RP1: variants seen among roughly 807,000 people sequenced by gnomAD.
The protein encoded by RP1 is oxygen-regulated protein 1.
RP1 carries 16 observed loss-of-function variants against 14.8 expected under a neutral mutation model. The observed-to-expected ratio is 1.08, with a 90% CI of 0.73 to 1.65. RP1 has a LOEUF of 1.65. RP1 is among the 40% of genes most tolerant of loss of function. The pLI is 0.00. For synonymous variants in RP1, 876 were observed against 883.6 expected (o/e 0.99, Z 0.15); for missense variants, 2,631 against 2,535.0 (o/e 1.04, Z -0.81).
intron 27 of RP1, among the ~76,000 whole-genome samples, chr8:54,858,452 TTGCCACTGTAGAGCAC>T (rs1389768614): frequency 3.3e-5 from 5 of 151,136 alleles, no homozygotes; most frequent in Non-Finnish European, 5.9e-5. Context: ...CTGTGGAACA[TTGCCACTGTAGAGCAC>T]TGTCACTGTA....
intron 22 of RP1, among the ~76,000 whole-genome samples, chr8:54,761,479 C>T (rs1012636115): frequency 9.9e-5 from 15 of 152,074 alleles, no homozygotes; most frequent in Admixed American, 6.5e-4. Context: ...TCAGGCAATC[C>T]GCTCGCCTTA....
At chr8:54,672,767 G>T (rs1275033321) in intron 7 of RP1, among the ~76,000 whole-genome samples, 4 of 151,930 alleles carry the variant, frequency 2.6e-5, no homozygotes, top group African/African-American at 9.7e-5. Context: ...GTAAATTATA[G>T]ACATTTTATC....
In RP1 at chr8:54,626,938, CCCT is replaced by C. The variant is rs1563331228; in HGVS notation, c.3057_3059del (p.Leu1020del). 1 of 1,613,844 alleles carries C rather than the reference CCCT, an allele frequency of 6.2e-7. No individual in the cohort carries two copies. The highest frequency in any genetic ancestry group is 1.1e-5 in the South Asian group (1 of 91,066). ...TCTCTGAATGATGCTTATTTGGTTC[CCCT>C]GCATGAACACTGTACTTTGTCACAG... On this transcript the variant is annotated inframe_deletion, in exon 4 of 4. Coordinates refer to ENST00000220676, the MANE Select transcript of RP1 (RefSeq NM_006269.2).
chr8:54,605,196 A>G (rs563667112), intron 1 of RP1, among the ~76,000 whole-genome samples: 66 of 152,300 alleles, frequency 4.3e-4, no homozygotes, highest in African/African-American at 8.4e-4. Flanking sequence ...ATTTCCCTCT[A>G]CACACTGCTT....
chr8:54,608,064 C>G (rs376224225), intron 1 of RP1, among the ~76,000 whole-genome samples: 34 of 152,194 alleles, frequency 2.2e-4, no homozygotes, highest in African/African-American at 7.7e-4. Flanking sequence ...CACCCACTGT[C>G]TGACACTCCC....
intron 24 of RP1, among the ~76,000 whole-genome samples, chr8:54,799,224 G>A (rs1810644311): frequency 6.6e-6 from 1 of 151,690 alleles, no homozygotes; most frequent in South Asian, 2.1e-4. Context: ...CTATAAATTT[G>A]GTAATAATTT....
chr8:54,732,001 C>T (rs1808806719), intron 17 of RP1, among the ~76,000 whole-genome samples: 1 of 152,194 alleles, frequency 6.6e-6, no homozygotes, highest in Non-Finnish European at 1.5e-5. Flanking sequence ...CTCTCTGTTG[C>T]TTGCAAAAGG....
chr8:54,706,710 A>G, intron 15 of RP1: 1 of 1,509,832 alleles, frequency 6.6e-7, no homozygotes, highest in South Asian at 1.2e-5. Flanking sequence ...TGCCAGTTGT[A>G]GACATGAGAA....
At chr8:54,606,154 T>C (rs865792869) in intron 1 of RP1, among the ~76,000 whole-genome samples, 14 of 152,332 alleles carry the variant, frequency 9.2e-5, no homozygotes, top group African/African-American at 3.4e-4. Flanking sequence ...TCCTTACAAT[T>C]TGGCATGTTT....
chr8:54,706,501 G>A, exon 15 of RP1: 1 of 1,535,868 alleles, frequency 6.5e-7, no homozygotes, highest in Non-Finnish European at 8.7e-7. Flanking sequence ...CAGGCCCTGT[G>A]TCTCCAGCCT....
At chr8:54,641,711 T>A (rs1246756983) in intron 3 of RP1, among the ~76,000 whole-genome samples, 2 of 152,218 alleles carry the variant, frequency 1.3e-5, no homozygotes, top group Non-Finnish European at 2.9e-5. Context: ...GAGGTAATTT[T>A]GTAACAATTA....
In RP1 at chr8:54,630,239, C is replaced by T; in HGVS notation, c.6357C>T (p.Asn2119=). Residue 2119 remains asparagine (N), a synonymous_variant, in exon 4 of 4, where the codon AAC becomes AAT. Coordinates refer to ENST00000220676, the MANE Select transcript of RP1 (RefSeq NM_006269.2). ...CQVETSLNIS[N]RNILELCMFE... is the part of the protein sequence containing the mutation. ...TTGAGACCTCCTTAAATATTAGCAA[C>T]AGAAATATTTTAGAACTTTGTATGT... 12 of 1,613,564 alleles carry T rather than the reference C, an allele frequency of 7.4e-6. No homozygotes were observed. Among genetic ancestry groups the T allele is most frequent in the Non-Finnish European group, 1.0e-5 (12 of 1,179,834 alleles).
chr8:54,560,790 G>C (rs1423126430), intron 1 of RP1: 1 of 151,694 alleles, frequency 6.6e-6, no homozygotes, highest in Non-Finnish European at 1.5e-5. Flanking sequence ...ATTTGCTCTA[G>C]GTCTGACAGG....
intron 24 of RP1, among the ~76,000 whole-genome samples, chr8:54,793,479 G>A (rs572741868): frequency 4.0e-5 from 6 of 151,856 alleles, no homozygotes; most frequent in East Asian, 3.9e-4. Flanking sequence ...ATCATTTAGC[G>A]TAATCAAGTG....
intron 7 of RP1, chr8:54,663,899 A>G: frequency 6.9e-7 from 1 of 1,441,190 alleles, no homozygotes; most frequent in South Asian, 1.4e-5. Flanking sequence ...TGGTAAAAAC[A>G]CATAAAATAA....
intron 16 of RP1, among the ~76,000 whole-genome samples, chr8:54,725,679 T>C (rs889823388): frequency 6.6e-6 from 1 of 152,202 alleles, no homozygotes; most frequent in Non-Finnish European, 1.5e-5. Context: ...TGATGAGAAC[T>C]CTAAAGCCAT....
intron 22 of RP1, among the ~76,000 whole-genome samples, chr8:54,761,233 CTTTTTT>C (rs71554177): frequency 1.8e-5 from 2 of 109,172 alleles, no homozygotes; most frequent in Non-Finnish European, 3.6e-5. Context: ...CGCTACCTTA[CTTTTTT>C]TTTTTTTTTT....
intron 19 of RP1, chr8:54,739,041 A>C (rs762550383): frequency 1.3e-6 from 2 of 1,517,268 alleles, no homozygotes; most frequent in South Asian, 2.4e-5. Flanking sequence ...TAATCATGTC[A>C]CTTATTTTTT....
At chr8:54,658,495 G>A (rs1456371372) in intron 6 of RP1, among the ~76,000 whole-genome samples, 1 of 137,936 alleles carries the variant, frequency 7.2e-6, no homozygotes, top group Admixed American at 7.8e-5. Flanking sequence ...AGCTTGCAGT[G>A]AGCCGAGATC....
Sources: allele counts gnomAD v4.1 joint callset (sites outside exome capture counted in the v4.1 genomes callset), GRCh38; gene constraint gnomAD v4.1.1; transcripts MANE v1.5; gene names NCBI Gene and HGNC (gene_info 2026-07-23, HGNC 2026-07-21).